Variants in PCLO observed in about 807,000 individuals in gnomAD.
PCLO encodes the protein protein piccolo.
A neutral mutation model predicts 427.5 loss-of-function variants in PCLO; 82 were observed. The ratio of observed to expected loss-of-function variants is 0.19; its 90% CI spans 0.16 to 0.23. PCLO has a LOEUF of 0.23. PCLO is among the 10% of genes least tolerant of loss of function. PCLO has a pLI of 1.00. For synonymous variants in PCLO, 2,357 were observed against 2,155.4 expected (o/e 1.09, Z -2.59); for missense variants, 6,239 against 6,115.9 (o/e 1.02, Z -0.67).
chr7:82,812,219 T>C (rs979639927), intron 20 of PCLO, among the ~76,000 whole-genome samples: 1 of 151,550 alleles, frequency 6.6e-6, no homozygotes, highest in Non-Finnish European at 1.5e-5. Flanking sequence ...TTTATAATGA[T>C]TCATTATCTG....
chr7:82,893,292 A>T (rs1482062876), intron 9 of PCLO, among the ~76,000 whole-genome samples: 1 of 152,166 alleles, frequency 6.6e-6, no homozygotes, highest in Non-Finnish European at 1.5e-5. Context: ...ATGAAGCTAG[A>T]AACCATCATT....
chr7:83,118,006 T>C (rs1233011975), intron 3 of PCLO, among the ~76,000 whole-genome samples: 1 of 151,814 alleles, frequency 6.6e-6, no homozygotes, highest in African/African-American at 2.4e-5. Flanking sequence ...GAACATAAAC[T>C]GTGTTTTAAT....
At chr7:82,946,016 T>C (rs1180073437) in intron 6 of PCLO, among the ~76,000 whole-genome samples, 2 of 152,226 alleles carry the variant, frequency 1.3e-5, no homozygotes, top group Non-Finnish European at 2.9e-5. Context: ...ATAAAATCAC[T>C]AGACTACTCG....
At chr7:82,933,883 C>G (rs1022845685) in intron 6 of PCLO, among the ~76,000 whole-genome samples, 1 of 151,736 alleles carries the variant, frequency 6.6e-6, no homozygotes, top group Non-Finnish European at 1.5e-5. Flanking sequence ...TAATGTGGTG[C>G]CTTAAGATTA....
At chr7:82,857,696 A>C (rs1473378291) in intron 10 of PCLO, among the ~76,000 whole-genome samples, 3 of 152,158 alleles carry the variant, frequency 2.0e-5, no homozygotes, top group Non-Finnish European at 4.4e-5. Context: ...AAATGAGATA[A>C]AATGGAAATC....
intron 3 of PCLO, among the ~76,000 whole-genome samples, chr7:83,050,141 G>T (rs1278195885): frequency 7.2e-6 from 1 of 138,188 alleles, no homozygotes; most frequent in African/African-American, 2.7e-5. Context: ...AATCTGGGTC[G>T]GAAAGCCAGT....
chr7:82,912,936 GTTTTA>G (rs1053609094), intron 7 of PCLO, among the ~76,000 whole-genome samples: 6 of 151,760 alleles, frequency 4.0e-5, no homozygotes, highest in African/African-American at 1.2e-4. Flanking sequence ...TAGGGTTTTT[GTTTTA>G]TTTTGTTATT....
intron 3 of PCLO, among the ~76,000 whole-genome samples, chr7:83,120,573 C>T (rs549534329): frequency 6.6e-6 from 1 of 151,956 alleles, no homozygotes; most frequent in African/African-American, 2.4e-5. Flanking sequence ...AAAAGATACA[C>T]AAAAGATCCA....
chr7:83,024,250 A>T (rs958572214), intron 3 of PCLO, among the ~76,000 whole-genome samples: 4 of 152,124 alleles, frequency 2.6e-5, no homozygotes, highest in African/African-American at 9.7e-5. Flanking sequence ...GGGTGCGCGC[A>T]CCATGCGCGA....
At chr7:82,836,434 T>C (rs1251389838) in intron 15 of PCLO, among the ~76,000 whole-genome samples, 1 of 152,140 alleles carries the variant, frequency 6.6e-6, no homozygotes, top group Non-Finnish European at 1.5e-5. Context: ...TGCCAAATTA[T>C]AGTTACAACT....
chr7:82,838,149 A>C lies in PCLO; in HGVS notation c.14222+69T>G, dbSNP rs1295740287. The C allele has an allele frequency of 5.5e-6, 6 of 1,086,274 alleles. No homozygotes were observed. In the African/African-American group the frequency reaches 9.7e-5, roughly 18 times the overall value. The allele number at this position is 1,086,274 out of a possible 1,614,324, so 67.3% of individuals were successfully genotyped here. The stretch of plus-strand genomic sequence containing the variant: ...AAGTCAATTAAAATGAGGTGTGGAA[A>C]TTAAAGAGTAGAAAATACTATACTA... On this transcript the variant is annotated intron_variant, in intron 15 of 24. Coordinates refer to ENST00000333891, the MANE Select transcript of PCLO (RefSeq NM_033026.6).
In PCLO at chr7:83,021,743, G is replaced by T. The variant is rs375517110; in HGVS notation, c.3301-55256C>A. Among the ~76,000 whole-genome samples, 5 of 152,264 alleles carry T rather than the reference G, an allele frequency of 3.3e-5. No homozygotes were observed. The South Asian group carries it at 6.2e-4, about 19-fold the overall frequency. On this transcript the variant is annotated intron_variant, in intron 3 of 24. Coordinates refer to ENST00000333891, the MANE Select transcript of PCLO (RefSeq NM_033026.6). ...AGTAAAGCGTCTAATTCTGGGGAAG[G>T]TTCCTTCTAAGTGTTTTGACATATT...
At chr7:82,992,593 G>T (rs186045001) in intron 3 of PCLO, among the ~76,000 whole-genome samples, 7 of 151,964 alleles carry the variant, frequency 4.6e-5, no homozygotes, top group African/African-American at 1.7e-4. Flanking sequence ...GGCCTGTCGG[G>T]GGGTGTGGGA....
intron 3 of PCLO, among the ~76,000 whole-genome samples, chr7:83,069,799 CCACACACA>C (rs68086847): frequency 2.6e-5 from 2 of 75,516 alleles, no homozygotes; most frequent in Non-Finnish European, 4.9e-5. Flanking sequence ...ACCCCCCCGC[CCACACACA>C]CACACACACA....
At chr7:83,079,543 T>A (rs1423169831) in intron 3 of PCLO, among the ~76,000 whole-genome samples, 1 of 152,098 alleles carries the variant, frequency 6.6e-6, no homozygotes, top group Non-Finnish European at 1.5e-5. Context: ...TGTTTGAATA[T>A]AAAATAGCTA....
In PCLO at chr7:83,156,214, C is replaced by A. The variant is rs1792293593; in HGVS notation, c.427G>T (p.Asp143Tyr). Reference protein sequence around the residue: ...ISLKESKSRTDLKEEHKSSMM... With the variant: ...ISLKESKSRTYLKEEHKSSMM... Reference sequence around the variant, plus strand: ...CTAGACTTGTGCTCTTCCTTTAAATCAGTTCTGGACTTTGATTCTTTCAAG... The same window carrying A: ...CTAGACTTGTGCTCTTCCTTTAAATAAGTTCTGGACTTTGATTCTTTCAAG... The change falls in exon 2 of 25, where the codon GAT (aspartate) becomes TAT (tyrosine). Residue 143 changes from aspartate (D) to tyrosine (Y), a missense_variant. By Grantham distance (160) the Asp-to-Tyr change is radical. Coordinates refer to ENST00000333891, the MANE Select transcript of PCLO (RefSeq NM_033026.6). 1.2e-6 allele frequency: 2 copies of A among 1,613,798 alleles called. No individual in the cohort carries two copies. Among genetic ancestry groups the A allele is most frequent in the Non-Finnish European group, 1.7e-6 (2 of 1,179,838 alleles).
intron 6 of PCLO, among the ~76,000 whole-genome samples, chr7:82,919,590 A>C (rs1466412705): frequency 6.6e-6 from 1 of 152,012 alleles, no homozygotes; most frequent in African/African-American, 2.4e-5. Flanking sequence ...CCAAACCTAA[A>C]GAAGATTGGA....
intron 3 of PCLO, among the ~76,000 whole-genome samples, chr7:83,059,009 C>T (rs945753165): frequency 6.6e-6 from 1 of 151,900 alleles, no homozygotes; most frequent in African/African-American, 2.4e-5. Flanking sequence ...TTAGAAGGAA[C>T]TAAAATTCCT....
chr7:82,940,443 T>A (rs952077862), intron 6 of PCLO, among the ~76,000 whole-genome samples: 3 of 152,182 alleles, frequency 2.0e-5, no homozygotes, highest in Admixed American at 2.0e-4. Context: ...GAAATTTAGA[T>A]TTGATCCAAA....
Sources: allele counts gnomAD v4.1 joint callset (sites outside exome capture counted in the v4.1 genomes callset), GRCh38; gene constraint gnomAD v4.1.1; transcripts MANE v1.5; gene names NCBI Gene and HGNC (gene_info 2026-07-23, HGNC 2026-07-21).